The following UTP20 variants were observed in gnomAD, a reference collection of about 807,000 sequenced individuals.
UTP20 encodes small subunit processome component 20 homolog.
Under a neutral mutation model 329.5 loss-of-function variants are expected in UTP20, and 164 were observed. That is an observed-to-expected ratio of 0.50 (90% CI 0.44 to 0.57). UTP20 has a LOEUF of 0.57. Ranked by LOEUF, UTP20 falls within the 20% of genes least tolerant of loss-of-function variation. The pLI, the probability that UTP20 is intolerant of heterozygous loss-of-function variation, is 0.00. For missense variants in UTP20, 3,055 were observed against 3,284.2 expected, an observed-to-expected ratio of 0.93 and a Z score of 1.71; for synonymous variants, 1,151 against 1,159.3, an observed-to-expected ratio of 0.99 and a Z score of 0.14.
At chr12:101,370,003 T>A in intron 49 of UTP20, 112 bp downstream of exon 49, 1 of 1,067,358 alleles carries the variant, frequency 9.4e-7, no homozygotes, top group Non-Finnish European at 1.3e-6. Context: ...TACTTGAGCC[T>A]AAGAGTTCAA....
intron 21 of UTP20, 125 bp from the exon 22 acceptor site, chr12:101,317,353 G>T (rs1433516441): frequency 9.8e-7 from 1 of 1,024,204 alleles, no homozygotes; most frequent in African/African-American, 1.6e-5. Context: ...GCTTGCCTAA[G>T]GTACCACTAT....
At chr12:101,330,602 TGA>T (rs1491018908) in intron 27 of UTP20, among the ~76,000 whole-genome samples, 1 of 152,194 alleles carries the variant, frequency 6.6e-6, no homozygotes, top group Non-Finnish European at 1.5e-5. Context: ...CTCTGTTATA[TGA>T]GAGTGTAATA....
rs1007229349 is a variant in UTP20, at chr12:101,285,690, T to C, written c.193+54T>C. On this transcript the variant is annotated intron_variant, in intron 3 of 61. Transcript: ENST00000261637. The stretch of plus-strand genomic sequence containing the variant: ...CACCCATAGTTTGCACTTTATATGT[T>C]CCATACAGCTGAATAGTGGTGTGAT... 9 of 1,613,382 alleles carry C rather than the reference T, an allele frequency of 5.6e-6. No homozygotes were observed. In the African/African-American group the frequency reaches 9.3e-5, roughly 17 times the overall value.
chr12:101,326,651 G>C (rs1384654200), intron 25 of UTP20, among the ~76,000 whole-genome samples: 1 of 151,212 alleles, frequency 6.6e-6, no homozygotes, highest in Non-Finnish European at 1.5e-5. Flanking sequence ...TTCTTCATTA[G>C]ACTTACCTTT....
intron 60 of UTP20, among the ~76,000 whole-genome samples, 190 bp from the exon 61 acceptor site, chr12:101,385,393 T>A (rs1298092757): frequency 6.6e-6 from 1 of 152,192 alleles, no homozygotes; most frequent in East Asian, 1.9e-4. Context: ...AGAGGCTAGT[T>A]TTATATCAGT....
rs773192305 is a variant in UTP20, at chr12:101,320,924, G to A, written c.2902G>A (p.Val968Ile). The A allele has an allele frequency of 2.5e-6, 4 of 1,607,696 alleles. No homozygotes were observed. The highest frequency in any genetic ancestry group is 3.4e-6 in the Non-Finnish European group (4 of 1,178,626). ...CATAATGACATATAAACATCCTCAT[G>A]TCCTCCCTTACAGGTAAGTTACTTG... ...DCIMTYKHPH[V>I]LPYRENLQRL... Residue 968 changes from valine to isoleucine, a missense_variant, in exon 24 of 62, where the codon GTC (valine) becomes ATC (isoleucine). Physicochemically the swap from Val to Ile is conservative, Grantham distance 29 (BLOSUM62 3). Coordinates refer to ENST00000261637, the MANE Select transcript of UTP20 (RefSeq NM_014503.3).
intron 16 of UTP20, 43 bp downstream of exon 16, chr12:101,306,108 C>G (rs201859021): frequency 6.4e-7 from 1 of 1,562,722 alleles, no homozygotes; most frequent in East Asian, 2.3e-5. Flanking sequence ...CTCTCTTCTC[C>G]TGTTTCTATA....
intron 60 of UTP20, 107 bp downstream of exon 60, chr12:101,383,776 ATTTTT>A (rs1593458776): frequency 1.5e-6 from 1 of 665,986 alleles, no homozygotes; most frequent in Non-Finnish European, 2.0e-6. Context: ...CCTGAGATTT[ATTTTT>A]ATTTATATAT....
At chr12:101,365,395 C>T in intron 45 of UTP20, 64 bp from the exon 46 acceptor site, 1 of 1,238,992 alleles carries the variant, frequency 8.1e-7, no homozygotes, top group Non-Finnish European at 1.1e-6. Context: ...AGAAAACTGC[C>T]ATTATGACAA....
rs1410642341 is a variant in UTP20, at chr12:101,354,276, AAAAAAAAAG to A, written c.5108-551_5108-543del. Among the ~76,000 whole-genome samples, 8 of 133,808 alleles carry A rather than the reference AAAAAAAAAG, an allele frequency of 6.0e-5. No individual in the cohort carries two copies. The East Asian group carries it at 8.6e-4, about 14-fold the overall frequency. 87.8% of individuals were successfully genotyped at this position (133,808 alleles called of 152,430 possible). On this transcript the variant is annotated intron_variant, in intron 40 of 61. Coordinates refer to ENST00000261637, the MANE Select transcript of UTP20 (RefSeq NM_014503.3). ...GACTCTGTCTCAAAAAAAAAAAAAA[AAAAAAAAAG>A]AAAAGAAATTCAATCTGCAGTTAGT...
At chr12:101,381,791 G>A (rs1870653197) in intron 58 of UTP20, among the ~76,000 whole-genome samples, 1 of 151,976 alleles carries the variant, frequency 6.6e-6, no homozygotes. Flanking sequence ...GGCCGAGGCA[G>A]GTGCATCACT....
chr12:101,319,956 G>A (rs979658974), intron 23 of UTP20, among the ~76,000 whole-genome samples: 1 of 152,124 alleles, frequency 6.6e-6, no homozygotes, highest in Non-Finnish European at 1.5e-5. Flanking sequence ...AAAAAAACAA[G>A]TGACTACTTT....
At chr12:101,338,385 C>A in intron 30 of UTP20, 108 bp downstream of exon 30, 1 of 1,111,494 alleles carries the variant, frequency 9.0e-7, no homozygotes, top group South Asian at 1.5e-5. Flanking sequence ...AGCATATGCT[C>A]AGAAGTTTCT....
intron 41 of UTP20, among the ~76,000 whole-genome samples, chr12:101,355,787 T>G (rs1331454445): frequency 2.0e-5 from 3 of 152,180 alleles, no homozygotes; most frequent in Non-Finnish European, 4.4e-5. Flanking sequence ...TGTAAATATT[T>G]ATTTATATTT....
In UTP20 at chr12:101,378,014, G is replaced by A. The variant is rs1870531654; in HGVS notation, c.7397-1357G>A. Among the ~76,000 whole-genome samples, 3 of 151,944 alleles carry A rather than the reference G, an allele frequency of 2.0e-5. No individual in the cohort carries two copies. The South Asian group carries it at 6.2e-4, about 32-fold the overall frequency. ...AGGCTTGCAGATTGCTTAAGCTCAG[G>A]AGTTCGAGACCAGCGTGGGCAACAT... On this transcript the variant is annotated intron_variant, in intron 56 of 61. Coordinates refer to ENST00000261637, the MANE Select transcript of UTP20 (RefSeq NM_014503.3).
Position 101,300,069 on chromosome 12 carries a change from A to C in UTP20, c.1675+8A>C, listed in dbSNP as rs1339904164. 6.2e-7 allele frequency: 1 copy of C among 1,612,760 alleles called. No homozygotes were observed. The highest frequency in any genetic ancestry group is 1.7e-5 in the Admixed American group (1 of 60,030). On this transcript the variant is annotated splice_region_variant and intron_variant, in intron 14 of 61. Transcript: ENST00000261637. ...AAGGAAGCTTTGGGAAAGGTCAGTT[A>C]CAATCATCATGTGTTCTCTTCTCTT... is the stretch of plus-strand genomic sequence containing the variant.
intron 21 of UTP20, among the ~76,000 whole-genome samples, chr12:101,314,913 G>C (rs917569531): frequency 2.0e-5 from 3 of 151,388 alleles, no homozygotes; most frequent in Non-Finnish European, 2.9e-5. Flanking sequence ...CCAGCCTAGT[G>C]AAATCCCGTC....
rs1565806952 is a variant in UTP20 at position 101,369,864 on chromosome 12, C to T, written c.6528C>T (p.Asn2176=). ...YAKLGAARGQ[N]FHLVVNCFKC... ...AGCTCGGGGCCGCCAGGGGCCAGAA[C>T]TTCCACCTTGTGGTCAATTGTTTCA... The change falls in exon 49 of 62, where the codon AAC becomes AAT. Residue 2176 remains asparagine, a synonymous_variant. Transcript: ENST00000261637. 6.2e-7 allele frequency: 1 copy of T among 1,613,946 alleles called. No homozygotes were observed. The highest frequency in any genetic ancestry group is 8.5e-7 in the Non-Finnish European group (1 of 1,179,914).
At chr12:101,373,549 C>T (rs930068867) in intron 53 of UTP20, 36 bp from the exon 54 acceptor site, 14 of 1,612,264 alleles carry the variant, frequency 8.7e-6, no homozygotes, top group Non-Finnish European at 1.2e-5. Flanking sequence ...GTAGGAATTC[C>T]ACTCTGAGTG....
Sources: allele counts gnomAD v4.1 joint callset (sites outside exome capture counted in the v4.1 genomes callset), GRCh38; gene constraint gnomAD v4.1.1; transcripts MANE v1.5; gene names NCBI Gene and HGNC (gene_info 2026-07-23, HGNC 2026-07-21).